Variants in NEK7 observed in about 807,000 individuals in gnomAD.
NEK7 encodes NIMA related kinase 7, also known as serine/threonine-protein kinase Nek7.
Under a neutral mutation model 44.6 loss-of-function variants are expected in NEK7, and 18 were observed. The observed-to-expected ratio is 0.40, with a 90% CI of 0.28 to 0.60. The LOEUF (loss-of-function observed/expected upper bound fraction) is 0.60. NEK7 is among the 20% of genes least tolerant of loss of function. The pLI, the probability that NEK7 is intolerant of heterozygous loss-of-function variation, is 0.38. For synonymous variants in NEK7, 130 were observed against 121.1 expected (o/e 1.07, Z -0.48); for missense variants, 256 against 366.5 (o/e 0.70, Z 2.46).
intron 1 of NEK7, among the ~76,000 whole-genome samples, chr1:198,216,832 CAT>C (rs1196862378): frequency 1.3e-5 from 2 of 151,768 alleles, no homozygotes; most frequent in African/African-American, 4.8e-5. Context: ...AACTAGAAAA[CAT>C]AGAGGAAATT....
chr1:198,245,733 A>G (rs1015557077), intron 2 of NEK7, among the ~76,000 whole-genome samples: 3 of 152,158 alleles, frequency 2.0e-5, no homozygotes, highest in Admixed American at 6.5e-5. Flanking sequence ...TACTTCCATA[A>G]AAGTTGAAGG....
intron 2 of NEK7, among the ~76,000 whole-genome samples, chr1:198,248,605 A>T (rs1207863983): frequency 1.3e-5 from 2 of 152,192 alleles, no homozygotes; most frequent in Non-Finnish European, 2.9e-5. Flanking sequence ...TTATTTAATG[A>T]TGCGGTAGTA....
intron 1 of NEK7, among the ~76,000 whole-genome samples, chr1:198,203,372 T>A (rs1665494539): frequency 6.6e-6 from 1 of 152,246 alleles, no homozygotes; most frequent in African/African-American, 2.4e-5. Flanking sequence ...AGATTTTGAA[T>A]GAATTTCTTA....
chr1:198,160,773 G>T (rs1346510961), intron 1 of NEK7, among the ~76,000 whole-genome samples: 1 of 151,994 alleles, frequency 6.6e-6, no homozygotes, highest in Non-Finnish European at 1.5e-5. Context: ...ATAATATAAT[G>T]GCAGTTCAGA....
At chr1:198,290,904 GA>G (rs1386002105) in intron 7 of NEK7, among the ~76,000 whole-genome samples, 1 of 152,090 alleles carries the variant, frequency 6.6e-6, no homozygotes, top group African/African-American at 2.4e-5. Context: ...GCAGCTCACT[GA>G]AAAAGGATTT....
chr1:198,232,749 A>G (rs1666435264), intron 2 of NEK7, 112 bp downstream of exon 2: 1 of 574,394 alleles, frequency 1.7e-6, no homozygotes, highest in Non-Finnish European at 3.0e-6. Context: ...CAAAAGTGCT[A>G]ATTTTGAATT....
At chr1:198,192,317 G>A (rs1300073157) in intron 1 of NEK7, among the ~76,000 whole-genome samples, 1 of 145,970 alleles carries the variant, frequency 6.9e-6, no homozygotes, top group Non-Finnish European at 1.5e-5. Flanking sequence ...CCATAGATTT[G>A]TCTATTTTTA....
At chr1:198,195,953 T>C (rs1558051008) in intron 1 of NEK7, among the ~76,000 whole-genome samples, 1 of 152,232 alleles carries the variant, frequency 6.6e-6, no homozygotes, top group Non-Finnish European at 1.5e-5. Context: ...GTCTGAGATA[T>C]TTCTTTTAAT....
chr1:198,226,053 A>G (rs939063364), intron 1 of NEK7, among the ~76,000 whole-genome samples: 2 of 152,090 alleles, frequency 1.3e-5, no homozygotes, highest in Non-Finnish European at 2.9e-5. Context: ...GGATGACACA[A>G]ATGTGTCCCT....
In NEK7 at chr1:198,170,157, G is replaced by A. The variant is rs77233920; in HGVS notation, c.-29+12881G>A. Among the ~76,000 whole-genome samples, 541 of 152,302 alleles carry A rather than the reference G, an allele frequency of 3.6e-3. 2 individuals are homozygous for A. Among genetic ancestry groups the A allele is most frequent in the African/African-American group, 0.012 (495 of 41,560 alleles). The stretch of plus-strand genomic sequence containing the variant: ...AATGGTCACTGTCAGGATATTCAGG[G>A]ATCTAGTCTGAGATGCTTGGTTTTG... On this transcript the variant is annotated intron_variant, in intron 1 of 9. Coordinates refer to ENST00000367385, the MANE Select transcript of NEK7 (RefSeq NM_133494.3).
chr1:198,224,934 C>T (rs531719456), intron 1 of NEK7, among the ~76,000 whole-genome samples: 4 of 152,192 alleles, frequency 2.6e-5, no homozygotes, highest in East Asian at 3.9e-4. Context: ...ATGCTTTATT[C>T]TGGTGGAAAC....
chr1:198,318,762 C>T (rs894498967), intron 9 of NEK7, among the ~76,000 whole-genome samples: 1 of 151,986 alleles, frequency 6.6e-6, no homozygotes, highest in Non-Finnish European at 1.5e-5. Context: ...TTGAAATCTG[C>T]TTTTATTCTA....
chr1:198,197,818 G>A, intron 1 of NEK7: 1 of 774,004 alleles, frequency 1.3e-6, no homozygotes, highest in Non-Finnish European at 2.3e-6. Context: ...AGGAATGCTT[G>A]CCATGCTCGT....
intron 4 of NEK7, 134 bp downstream of exon 4, chr1:198,262,771 A>G: frequency 2.3e-6 from 1 of 442,206 alleles, no homozygotes; most frequent in Non-Finnish European, 4.1e-6. Context: ...TATAAGGTTA[A>G]ATTTCAGTAT....
intron 1 of NEK7, among the ~76,000 whole-genome samples, chr1:198,205,096 A>C (rs1231864747): frequency 6.6e-6 from 1 of 152,192 alleles, no homozygotes; most frequent in East Asian, 1.9e-4. Context: ...TGTGAATAAA[A>C]ACCCCATTGC....
intron 9 of NEK7, among the ~76,000 whole-genome samples, chr1:198,300,237 G>A (rs990530801): frequency 3.3e-5 from 5 of 152,126 alleles, no homozygotes; most frequent in Admixed American, 1.3e-4. Context: ...ACTTGGTATT[G>A]TTGGTGACAG....
intron 1 of NEK7, among the ~76,000 whole-genome samples, chr1:198,172,812 A>AT (rs144686241): frequency 0.045 from 6,820 of 152,252 alleles, 566 homozygotes; most frequent in African/African-American, 0.16. Context: ...TCAGCTTAGA[A>AT]TTTAGAGTCC....
chr1:198,168,476 G>A (rs1004787880), intron 1 of NEK7, among the ~76,000 whole-genome samples: 4 of 152,096 alleles, frequency 2.6e-5, no homozygotes, highest in Non-Finnish European at 4.4e-5. Flanking sequence ...AACTTTGTGG[G>A]GTATTTGCAT....
intron 1 of NEK7, among the ~76,000 whole-genome samples, chr1:198,170,137 T>G (rs1272316641): frequency 1.3e-5 from 2 of 152,226 alleles, no homozygotes; most frequent in Non-Finnish European, 2.9e-5. Flanking sequence ...CTGTGAATGG[T>G]CACTGTCAGG....
Sources: gnomAD v4.1 joint callset for allele counts (sites outside exome capture counted in the v4.1 genomes callset) on GRCh38, gnomAD v4.1.1 for gene constraint, MANE v1.5 for transcripts, NCBI Gene and HGNC (gene_info 2026-07-23, HGNC 2026-07-21) for gene names.